The following SETD1B variants were observed in gnomAD, a reference collection of about 807,000 sequenced individuals.
SETD1B encodes SET domain containing 1B, histone lysine methyltransferase, also known as histone-lysine N-methyltransferase SETD1B.
Under a neutral mutation model 148.0 loss-of-function variants are expected in SETD1B, and 7 were observed. The observed-to-expected ratio is 0.05, with a 90% CI of 0.03 to 0.09. The LOEUF (loss-of-function observed/expected upper bound fraction) is 0.09, where lower values mean the gene tolerates loss of function less well. Ranked by LOEUF, SETD1B falls within the 10% of genes least tolerant of loss-of-function variation. The pLI, the probability that SETD1B is intolerant of heterozygous loss-of-function variation, is 1.00. For synonymous variants in SETD1B, 1,361 were observed against 1,186.5 expected (o/e 1.15, Z -3.02); for missense variants, 2,155 against 2,729.9 (o/e 0.79, Z 4.69).
the SETD1B span, among the ~76,000 whole-genome samples, chr12:121,798,578 C>T: frequency 6.6e-6 from 1 of 152,380 alleles, no homozygotes; most frequent in African/African-American, 2.4e-5. Context: ...CACCCAAGGT[C>T]ACCAGCACTG....
intron 12 of SETD1B, among the ~76,000 whole-genome samples, chr12:121,824,979 CAAAAAA>C (rs780514725): frequency 1.7e-5 from 1 of 57,182 alleles, no homozygotes. Context: ...GACCCTGTCT[CAAAAAA>C]AAAAAAAAAA....
At chr12:121,797,377 T>G in the SETD1B span, 1 of 445,004 alleles carries the variant, frequency 2.2e-6, no homozygotes, top group African/African-American at 2.0e-5. Context: ...CCGCGTTCGC[T>G]GGGTGACCGG....
At position 121,809,626 on chromosome 12, in the gene SETD1B, C is replaced by G. The variant is rs1317101075; in HGVS notation, c.681C>G (p.Leu227=). ...TLQLSDALKR[L]KDGGLSAGCG... ...AGCTGTCAGATGCCCTGAAGCGCCT[C>G]AAGGATGGAGGCCTGTCTGCAGGCT... Residue 227 remains leucine (L), a synonymous_variant, in exon 6 of 17, where the codon CTC becomes CTG. Transcript: ENST00000604567. The G allele has an allele frequency of 6.4e-7, 1 of 1,550,612 alleles. No homozygotes were observed. Among genetic ancestry groups the G allele is most frequent in the Admixed American group, 2.0e-5 (1 of 50,944 alleles).
rs1000034067 is a variant in SETD1B at position 121,823,277 on chromosome 12, C to T, written c.4698C>T (p.Asp1566=). ...PQTPVFPSTH[D]PRTVTLDFRN... ...CCCCCGTCTTCCCCAGCACCCATGA[C>T]CCCCGGACGGTGACCCTGGACTTCC... Residue 1566 remains aspartate, a synonymous_variant, in exon 12 of 17, where the codon GAC becomes GAT. Transcript: ENST00000604567. 2.4e-5 allele frequency: 37 copies of T among 1,549,658 alleles called. No individual in the cohort carries two copies. In the African/African-American group the frequency reaches 3.7e-4, roughly 15 times the overall value.
At chr12:121,822,239 A>G (rs1876594978) in intron 11 of SETD1B, among the ~76,000 whole-genome samples, 1 of 152,158 alleles carries the variant, frequency 6.6e-6, no homozygotes, top group African/African-American at 2.4e-5. Context: ...TGTTCTGAAG[A>G]CGTAGTATGA....
At position 121,819,281 on chromosome 12, in the gene SETD1B, A is replaced by G. The variant is rs528805528; in HGVS notation, c.3419-123A>G. On this transcript the variant is annotated intron_variant, in intron 10 of 16. Coordinates refer to ENST00000604567, the MANE Select transcript of SETD1B (RefSeq NM_001353345.2). ...GACTCCTAGTGAACACATGCCCCAC[A>G]CACATATCTGAGGGCCGTGTTCAGC... The G allele has an allele frequency of 1.1e-4, 160 of 1,489,916 alleles. 1 individual carries two copies. The Middle Eastern group carries it at 1.7e-3, about 16-fold the overall frequency. The allele number at this position is 1,489,916 out of a possible 1,614,324, so 92.3% of individuals were successfully genotyped here.
At position 121,822,742 on chromosome 12, in the gene SETD1B, C is replaced by T. The variant is rs1306342674; in HGVS notation, c.4163C>T (p.Pro1388Leu). ...TVPATPGGEP[P>L]LSGGSSGLSL... is the part of the protein sequence containing the mutation. ...CCAGCCACACCAGGCGGGGAGCCCC[C>T]GCTATCAGGGGGCAGCAGTGGCCTG... The change falls in exon 12 of 17, where the codon CCG (proline) becomes CTG (leucine). Residue 1388 changes from proline to leucine, a missense_variant. Transcript: ENST00000604567. 7 of 1,516,442 alleles carry T rather than the reference C, an allele frequency of 4.6e-6. No individual in the cohort carries two copies. Among genetic ancestry groups the T allele is most frequent in the Non-Finnish European group, 6.2e-6 (7 of 1,124,404 alleles). The allele number at this position is 1,516,442 out of a possible 1,614,324, so 93.9% of individuals were successfully genotyped here. A position where few individuals can be genotyped will look rare whatever the true frequency, so the allele number is the denominator to read the frequency against.
chr12:121,825,141 CTA>C (rs1047168760), intron 12 of SETD1B, 57 bp from the exon 13 acceptor site: 4 of 1,516,026 alleles, frequency 2.6e-6, no homozygotes, highest in Non-Finnish European at 2.7e-6. Context: ...CGGGACCAGT[CTA>C]TGAAGGGACC....
rs901438288 is a variant in SETD1B at position 121,830,420 on chromosome 12, C to T, written c.*181C>T. On this transcript the variant is annotated 3_prime_UTR_variant, in exon 17 of 17. Transcript: ENST00000604567. This position sits in a 1 kb window ranked among gnomAD's most constrained non-coding sequence, Gnocchi z 5.7. ...CTGGAGCCCCTGGCTCCGGCCCCTC[C>T]GCGGGAAAGGGCTTCTCTGTCGTTC... 1.8e-5 allele frequency: 10 copies of T among 563,376 alleles called. No individual in the cohort carries two copies. Among genetic ancestry groups the T allele is most frequent in the Non-Finnish European group, 2.5e-5 (8 of 320,860 alleles). The allele number at this position is 563,376 out of a possible 1,614,324, so 34.9% of individuals were successfully genotyped here.
In SETD1B at chr12:121,804,297, C is replaced by CGGCCCT. The variant is rs941254123; in HGVS notation, c.-15+70_-15+75dup. 2.7e-5 allele frequency: 4 copies of CGGCCCT among 146,082 alleles called. No individual in the cohort carries two copies. Among genetic ancestry groups the CGGCCCT allele is most frequent in the Non-Finnish European group, 4.6e-5 (3 of 65,692 alleles). 9.0% of individuals were successfully genotyped at this position (146,082 alleles called of 1,614,324 possible). A position where few individuals can be genotyped will look rare whatever the true frequency, so the allele number is the denominator to read the frequency against. On this transcript the variant is annotated intron_variant, in intron 1 of 16. Coordinates refer to ENST00000604567, the MANE Select transcript of SETD1B (RefSeq NM_001353345.2). The surrounding 1 kb of genome is among the most constrained non-coding windows in gnomAD (Gnocchi z 4.6). ...GCCGGGCGGCCCAAGCCCCCGGCCCCGGCCCTGGCCCGAGCGGGCGAGCGG... is the reference window on the plus strand; with the variant it reads ...GCCGGGCGGCCCAAGCCCCCGGCCCCGGCCCTGGCCCTGGCCCGAGCGGGCGAGCGG...
chr12:121,798,961 G>A, the SETD1B span, among the ~76,000 whole-genome samples: 1 of 152,234 alleles, frequency 6.6e-6, no homozygotes, highest in South Asian at 2.1e-4. Context: ...AACCCCAGGT[G>A]TTACCAGGCT....
At chr12:121,824,344 G>T (rs770595151) in intron 12 of SETD1B, among the ~76,000 whole-genome samples, 4 of 152,194 alleles carry the variant, frequency 2.6e-5, no homozygotes, top group Non-Finnish European at 5.9e-5. Context: ...CACTCAGTTT[G>T]TGTCAAGAGC....
At chr12:121,824,943 A>G (rs1053556800) in intron 12 of SETD1B, among the ~76,000 whole-genome samples, 36 of 149,754 alleles carry the variant, frequency 2.4e-4, no homozygotes, top group African/African-American at 8.7e-4. Flanking sequence ...AGATTGCACC[A>G]CTGCACTCGA....
In SETD1B at chr12:121,804,969, C is replaced by A; in HGVS notation, c.174+58C>A. Reference sequence around the variant, plus strand: ...CCGCGTCGTGTCCGGGGAGACGCGCCTAGCGGCCAGGGACCCCCCGCCCGA... The same window carrying A: ...CCGCGTCGTGTCCGGGGAGACGCGCATAGCGGCCAGGGACCCCCCGCCCGA... On this transcript the variant is annotated intron_variant, in intron 2 of 16. Coordinates refer to ENST00000604567, the MANE Select transcript of SETD1B (RefSeq NM_001353345.2). The surrounding 1 kb of genome is among the most constrained non-coding windows in gnomAD (Gnocchi z 4.6). The A allele has an allele frequency of 6.8e-7, 1 of 1,472,172 alleles. No homozygotes were observed. Among genetic ancestry groups the A allele is most frequent in the Non-Finnish European group, 9.1e-7 (1 of 1,104,806 alleles). The allele number at this position is 1,472,172 out of a possible 1,614,324, so 91.2% of individuals were successfully genotyped here.
chr12:121,811,113 T>C (rs1876012818), intron 6 of SETD1B, among the ~76,000 whole-genome samples: 2 of 152,190 alleles, frequency 1.3e-5, no homozygotes, highest in Admixed American at 1.3e-4. Context: ...GAAGTCAGCT[T>C]TTCCTAGGGA....
At chr12:121,820,523 CTTTTT>C (rs1407899544) in intron 11 of SETD1B, among the ~76,000 whole-genome samples, 1 of 152,116 alleles carries the variant, frequency 6.6e-6, no homozygotes. Context: ...GCACCTACCT[CTTTTT>C]TTATTTTTAT....
Position 121,805,054 on chromosome 12 carries a change from A to AG in SETD1B, c.175-60dup. The AG allele has an allele frequency of 6.6e-7, 1 of 1,506,574 alleles. No individual in the cohort carries two copies. Among genetic ancestry groups the AG allele is most frequent in the South Asian group, 1.2e-5 (1 of 82,462 alleles). The allele number at this position is 1,506,574 out of a possible 1,614,324, so 93.3% of individuals were successfully genotyped here. ...TGGAGTTTGACAAGTGCCTCGAGAA[A>AG]GGGGTCTGCCCATGGGGAGGGGGAC... On this transcript the variant is annotated intron_variant, in intron 2 of 16. Transcript: ENST00000604567. The surrounding 1 kb of genome is among the most constrained non-coding windows in gnomAD (Gnocchi z 4.2).
intron 4 of SETD1B, among the ~76,000 whole-genome samples, chr12:121,806,579 C>T (rs1875752596): frequency 6.6e-6 from 1 of 152,214 alleles, no homozygotes; most frequent in Non-Finnish European, 1.5e-5. Flanking sequence ...CTCCTTGCTG[C>T]CCCTTCCCCT....
chr12:121,824,979 C>CAAA (rs780514725), intron 12 of SETD1B, among the ~76,000 whole-genome samples: 3 of 57,156 alleles, frequency 5.2e-5, no homozygotes, highest in African/African-American at 1.2e-4. Context: ...GACCCTGTCT[C>CAAA]AAAAAAAAAA....
Sources: allele counts gnomAD v4.1 joint callset (sites outside exome capture counted in the v4.1 genomes callset), GRCh38; gene constraint gnomAD v4.1.1; non-coding constraint Gnocchi (gnomAD v3.1); transcripts MANE v1.5; gene names NCBI Gene and HGNC (gene_info 2026-07-23, HGNC 2026-07-21).